ANO4: variants seen among roughly 807,000 people sequenced by gnomAD.
The protein encoded by ANO4 is anoctamin-4.
Under a neutral mutation model 141.9 loss-of-function variants are expected in ANO4, and 69 were observed. That is an observed-to-expected ratio of 0.49 (90% CI 0.40 to 0.59). The LOEUF (loss-of-function observed/expected upper bound fraction) is 0.59, where lower values mean the gene tolerates loss of function less well. Ranked by LOEUF, ANO4 falls within the 20% of genes least tolerant of loss-of-function variation. The pLI is 0.00. For synonymous variants in ANO4, 350 were observed against 394.3 expected (o/e 0.89, Z 1.33); for missense variants, 894 against 1,162.2 (o/e 0.77, Z 3.36).
chr12:100,842,427 G>A (rs2037323265), intron 1 of ANO4, among the ~76,000 whole-genome samples: 1 of 151,882 alleles, frequency 6.6e-6, no homozygotes, highest in Admixed American at 6.6e-5. Flanking sequence ...GTGTGTGTGT[G>A]TGCCTGTCTG....
chr12:100,733,722 A>G (rs773843739), intron 1 of ANO4: 3 of 680,586 alleles, frequency 4.4e-6, no homozygotes, highest in Non-Finnish European at 8.0e-6. Context: ...CATTGTGGTC[A>G]TGGTGTCTAC....
intron 3 of ANO4, among the ~76,000 whole-genome samples, chr12:100,749,729 A>G (rs558444683): frequency 4.8e-4 from 73 of 152,326 alleles, no homozygotes; most frequent in African/African-American, 1.6e-3. Flanking sequence ...TTTGCAAATA[A>G]TTATATATTT....
intron 1 of ANO4, among the ~76,000 whole-genome samples, chr12:100,809,400 A>G (rs970154067): frequency 3.3e-5 from 5 of 151,152 alleles, no homozygotes; most frequent in Admixed American, 1.3e-4. Flanking sequence ...AAAAAAAAAA[A>G]GGGTAATGTG....
chr12:100,743,628 G>A (rs949169485), intron 3 of ANO4, among the ~76,000 whole-genome samples: 4 of 151,956 alleles, frequency 2.6e-5, no homozygotes, highest in Non-Finnish European at 5.9e-5. Context: ...GGCATGAAAG[G>A]TATTTTAAAA....
At chr12:100,936,281 T>C (rs2136155051) in intron 3 of ANO4, among the ~76,000 whole-genome samples, 1 of 152,280 alleles carries the variant, frequency 6.6e-6, no homozygotes, top group African/African-American at 2.4e-5. Flanking sequence ...CCAATTAATA[T>C]TCTAGGCTGG....
At position 100,742,587 on chromosome 12, in the gene ANO4, C is replaced by T. The variant is rs77931782; in HGVS notation, c.358+2482C>T. Among the ~76,000 whole-genome samples, 320 of 152,246 alleles carry T rather than the reference C, an allele frequency of 2.1e-3. 1 individual carries two copies. The highest frequency in any genetic ancestry group is 7.1e-3 in the African/African-American group (296 of 41,566). On this transcript the variant is annotated intron_variant, in intron 3 of 29. Coordinates refer to the ANO4 transcript ENST00000644049. ...TTTTGGACTGATATAGAGGAGCTGA[C>T]AAGTTTTAGGCACAATATAACTATA...
At chr12:100,939,270 T>G in intron 3 of ANO4, 45 bp from the exon 4 acceptor site, 1 of 1,571,050 alleles carries the variant, frequency 6.4e-7, no homozygotes, top group South Asian at 1.2e-5. Flanking sequence ...GCTTTCAAGA[T>G]CCCAGATTTT....
chr12:100,760,671 A>C (rs962753524), intron 3 of ANO4, among the ~76,000 whole-genome samples: 2 of 152,214 alleles, frequency 1.3e-5, no homozygotes, highest in African/African-American at 4.8e-5. Flanking sequence ...ACGTTCAGGT[A>C]GATATCACTT....
Position 101,096,538 on chromosome 12 carries a change from C to T in ANO4, c.1741C>T (p.Gln581Ter), listed in dbSNP as rs1566242520. The T allele has an allele frequency of 6.2e-7, 1 of 1,612,692 alleles. No homozygotes were observed. Among genetic ancestry groups the T allele is most frequent in the Non-Finnish European group, 8.5e-7 (1 of 1,178,866 alleles). Residue 581 changes from glutamine (Q) to a stop codon, truncating the protein, a stop_gained and splice_region_variant, in exon 19 of 28, where the codon CAG becomes TAG. Transcript: ENST00000392977. LOFTEE classifies it high-confidence loss of function. ...KVALLLTNLE[Q>*]PRTESEWENS... is the part of the protein sequence containing the mutation. ...CTCTGCTCACCTTTTGTCCACAGAA[C>T]AGCCTCGCACAGAGTCTGAGTGGGA...
At chr12:100,784,469 A>T (rs939375091) in intron 3 of ANO4, among the ~76,000 whole-genome samples, 1 of 152,126 alleles carries the variant, frequency 6.6e-6, no homozygotes, top group Non-Finnish European at 1.5e-5. Context: ...TTCTCTTCTA[A>T]GGATATTCAT....
chr12:101,033,688 A>G (rs572343108), intron 9 of ANO4, among the ~76,000 whole-genome samples: 3 of 152,302 alleles, frequency 2.0e-5, no homozygotes, highest in African/African-American at 7.2e-5. Context: ...AGAAACTATC[A>G]TCAGAGTGAA....
In ANO4 at chr12:101,043,655, T is replaced by C. The variant is rs371276248; in HGVS notation, c.1251+20T>C. The C allele has an allele frequency of 6.4e-7, 1 of 1,556,796 alleles. No individual in the cohort carries two copies. Among genetic ancestry groups the C allele is most frequent in the African/African-American group, 1.4e-5 (1 of 73,832 alleles). The stretch of plus-strand genomic sequence containing the variant: ...GCCAAGGTAATTTCAAACTGTAGCA[T>C]TTTAGATGAATTGAATTTAACATAC... On this transcript the variant is annotated intron_variant, in intron 13 of 27. Transcript: ENST00000392977.
chr12:100,814,267 A>G (rs1327788367), intron 1 of ANO4, among the ~76,000 whole-genome samples: 1 of 152,182 alleles, frequency 6.6e-6, no homozygotes, highest in Non-Finnish European at 1.5e-5. Context: ...CATTTCAAGT[A>G]TAGAATTCAA....
rs1170348195 is a variant in ANO4 at position 101,005,985 on chromosome 12, T to C, written c.735-14049T>C. 2.0e-5 allele frequency among the ~76,000 whole-genome samples: 3 copies of C among 152,202 alleles called. No individual in the cohort carries two copies. The East Asian group carries it at 5.8e-4, about 29-fold the overall frequency. ...TCCACCTCTCCATTTCTCTTGGTTG[T>C]GTATACCTAGCCAATATCAAAGGTA... On this transcript the variant is annotated intron_variant, in intron 8 of 27. Transcript: ENST00000392977.
chr12:100,886,014 A>G (rs1223806543), intron 1 of ANO4, among the ~76,000 whole-genome samples: 1 of 152,168 alleles, frequency 6.6e-6, no homozygotes, highest in African/African-American at 2.4e-5. Flanking sequence ...TCCGAAGTCA[A>G]TTTTTATTCT....
Position 100,731,316 on chromosome 12 carries a change from A to G in ANO4, c.23-2458A>G, listed in dbSNP as rs143731029. Among the ~76,000 whole-genome samples the G allele has an allele frequency of 2.9e-3, 444 of 152,270 alleles. 1 individual carries two copies. Among genetic ancestry groups the G allele is most frequent in the African/African-American group, 9.8e-3 (409 of 41,552 alleles). ...TAGTGGTTTATATTAGACAAAATGTATTTATTGTAATATTTTAAAATCACT... is the reference window on the plus strand; with the variant it reads ...TAGTGGTTTATATTAGACAAAATGTGTTTATTGTAATATTTTAAAATCACT... On this transcript the variant is annotated intron_variant, in intron 1 of 29. Coordinates refer to the ANO4 transcript ENST00000644049.
At chr12:101,059,285 C>T (rs1487927137) in intron 14 of ANO4, among the ~76,000 whole-genome samples, 2 of 152,084 alleles carry the variant, frequency 1.3e-5, no homozygotes, top group African/African-American at 2.4e-5. Context: ...TGAGGATTTT[C>T]GCATAGATGT....
intron 1 of ANO4, among the ~76,000 whole-genome samples, chr12:100,864,776 G>C (rs994312192): frequency 6.6e-6 from 1 of 152,106 alleles, no homozygotes; most frequent in Non-Finnish European, 1.5e-5. Context: ...ATGGTGGTTT[G>C]CTGCACCCAT....
rs757890018 is a variant in ANO4 at position 101,083,745 on chromosome 12, A to G, written c.1463A>G (p.Lys488Arg). ...GAGCGGATGAATCCAATTTCTGGAA[A>G]GCCAGAACCTTATCAAGCATTTACA... ...KKERMNPISG[K>R]PEPYQAFTDK... Residue 488 changes from lysine (K) to arginine (R), a missense_variant, in exon 16 of 28, where the codon AAG becomes AGG. Physicochemically the swap from Lys to Arg is conservative, Grantham distance 26 (BLOSUM62 2). Transcript: ENST00000392977. The G allele has an allele frequency of 1.5e-5, 24 of 1,606,792 alleles. No homozygotes were observed. The highest frequency in any genetic ancestry group is 6.9e-5 in the Admixed American group (4 of 57,636).
Sources: gnomAD v4.1 joint callset for allele counts (sites outside exome capture counted in the v4.1 genomes callset) on GRCh38, gnomAD v4.1.1 for gene constraint, MANE v1.5 for transcripts, NCBI Gene and HGNC (gene_info 2026-07-23, HGNC 2026-07-21) for gene names.